Variants in TIMELESS observed in about 807,000 individuals in gnomAD.
TIMELESS encodes the protein protein timeless homolog.
In TIMELESS, 124 loss-of-function variants were observed where a neutral mutation model predicts 164.3. The ratio of observed to expected loss-of-function variants is 0.75; its 90% CI spans 0.65 to 0.88. The LOEUF (loss-of-function observed/expected upper bound fraction) is 0.88. Among genes scored for constraint, TIMELESS ranks in the 40% least tolerant of loss-of-function variants. The pLI is 0.00. For missense variants in TIMELESS, 1,422 were observed against 1,491.4 expected, an observed-to-expected ratio of 0.95 and a Z score of 0.77; for synonymous variants, 564 against 563.4, an observed-to-expected ratio of 1.00 and a Z score of -0.02.
At chr12:56,423,179 T>C (rs985608875) in intron 18 of TIMELESS, 95 bp downstream of exon 18, 19 of 1,491,818 alleles carry the variant, frequency 1.3e-5, no homozygotes, top group Non-Finnish European at 1.7e-5. Context: ...TCCCAGCCCT[T>C]GACACCTCTC....
At chr12:56,429,239 C>T (rs1052690362) in intron 10 of TIMELESS, 139 bp from the exon 11 acceptor site, 3 of 729,430 alleles carry the variant, frequency 4.1e-6, no homozygotes, top group South Asian at 1.9e-5. Context: ...CACTCTATTG[C>T]CCAGGCTGGA....
intron 23 of TIMELESS, 39 bp from the exon 24 acceptor site, chr12:56,421,173 C>T (rs1881469000): frequency 6.2e-7 from 1 of 1,612,274 alleles, no homozygotes. Flanking sequence ...AAAATGAAGG[C>T]AACACAAGGA....
chr12:56,425,792 T>C lies in TIMELESS; in HGVS notation c.1579-640A>G, dbSNP rs180822021. ...TGGGAGGCCGAGGCAGAAGAATCGC[T>C]TGGGCACGGGAAGGAGAGGTTGCAG... On this transcript the variant is annotated intron_variant, in intron 13 of 28. Transcript: ENST00000553532. 1.4e-3 allele frequency among the ~76,000 whole-genome samples: 218 copies of C among 152,032 alleles called. 1 individual carries two copies. Among genetic ancestry groups the C allele is most frequent in the African/African-American group, 5.0e-3 (207 of 41,422 alleles).
chr12:56,434,281 A>C, intron 1 of TIMELESS, 50 bp from the exon 2 acceptor site: 1 of 874,070 alleles, frequency 1.1e-6, no homozygotes, highest in Non-Finnish European at 1.9e-6. Context: ...CCATGAAAAG[A>C]AGATAGGAAC....
intron 9 of TIMELESS, 74 bp from the exon 10 acceptor site, chr12:56,430,355 C>G (rs1241621411): frequency 6.6e-7 from 1 of 1,511,708 alleles, no homozygotes; most frequent in Non-Finnish European, 8.9e-7. Flanking sequence ...TCAATTTTCT[C>G]AGAAGAAACT....
intron 10 of TIMELESS, 40 bp downstream of exon 10, chr12:56,430,065 T>C (rs754516386): frequency 2.0e-5 from 32 of 1,569,490 alleles, no homozygotes; most frequent in Non-Finnish European, 2.8e-5. Flanking sequence ...ACCTGTCTAT[T>C]CCATTCCTGA....
Position 56,429,098 on chromosome 12 carries a change from A to G in TIMELESS, c.1089T>C (p.Asp363=). The change falls in exon 11 of 29, where the codon GAT becomes GAC. Residue 363 remains aspartate (D), a splice_region_variant and synonymous_variant. Transcript: ENST00000553532. ...GCTGAGCTTTCTCCCGAAGCAGGTG[A>G]TCCTGACATTTAAAAAAGAAAAAAA... is the stretch of plus-strand genomic sequence containing the variant. The part of the protein sequence containing the change: ...CYNRLMGSVK[D]HLLREKAQQH... 6.2e-7 allele frequency: 1 copy of G among 1,611,244 alleles called. No homozygotes were observed.
At position 56,418,187 on chromosome 12, in the gene TIMELESS, A is replaced by G; in HGVS notation, c.3401T>C (p.Leu1134Pro). The G allele has an allele frequency of 6.2e-7, 1 of 1,614,206 alleles. No homozygotes were observed. The highest frequency in any genetic ancestry group is 8.5e-7 in the Non-Finnish European group (1 of 1,180,030). The part of the protein sequence containing the change: ...EHCKEHRAQA[L>P]RALLLAHKKK... ...CTTGTGGGCTAGCAAGAGGGCCCTC[A>G]GGGCTTGTGCTCGGTGCTCTTTACA... The change falls in exon 27 of 29, where the codon CTG (leucine) becomes CCG (proline). Residue 1134 changes from leucine (L) to proline (P), a missense_variant. Leu to Pro is a moderately conservative substitution (Grantham distance 98, BLOSUM62 -3). Coordinates refer to ENST00000553532, the MANE Select transcript of TIMELESS (RefSeq NM_003920.5).
At chr12:56,442,198 TA>T (rs1868285219) in intron 1 of TIMELESS, among the ~76,000 whole-genome samples, 1 of 150,440 alleles carries the variant, frequency 6.6e-6, no homozygotes, top group South Asian at 2.1e-4. Flanking sequence ...TGAAAAAAAC[TA>T]AAAAACTAGT....
At chr12:56,430,786 G>A (rs757388933) in intron 9 of TIMELESS, 95 bp downstream of exon 9, 39 of 792,562 alleles carry the variant, frequency 4.9e-5, no homozygotes, top group Non-Finnish European at 7.0e-5. Context: ...CCACAAGTGT[G>A]AGCCACCAGG....
rs374146583 is a variant in TIMELESS, at chr12:56,431,556, G to C, written c.736C>G (p.Arg246Gly). 6.2e-7 allele frequency: 1 copy of C among 1,613,548 alleles called. No homozygotes were observed. The highest frequency in any genetic ancestry group is 1.3e-5 in the African/African-American group (1 of 74,836). Residue 246 changes from arginine (R) to glycine (G), a missense_variant, in exon 8 of 29, where the codon CGG (arginine) becomes GGG (glycine). Transcript: ENST00000553532. Reference protein sequence around the residue: ...GVGQGRLAQERSADFAELEVL... With the variant: ...GVGQGRLAQEGSADFAELEVL... ...TCCAGTTCTGCAAAATCTGCACTCC[G>C]CTCCTGAGCTAAGCGTCCCTGCCCT... is the stretch of plus-strand genomic sequence containing the variant.
chr12:56,426,072 G>C (rs1881667731), intron 13 of TIMELESS, among the ~76,000 whole-genome samples: 1 of 152,090 alleles, frequency 6.6e-6, no homozygotes, highest in Non-Finnish European at 1.5e-5. Context: ...CCAAAACTTA[G>C]GAGCATGGAG....
intron 1 of TIMELESS, among the ~76,000 whole-genome samples, chr12:56,436,055 A>G (rs1200014035): frequency 6.6e-6 from 1 of 152,078 alleles, no homozygotes; most frequent in Non-Finnish European, 1.5e-5. Flanking sequence ...ATCCATAATC[A>G]CTATGAAAAA....
chr12:56,421,533 GA>G, intron 22 of TIMELESS, 40 bp from the exon 23 acceptor site: 2 of 1,589,240 alleles, frequency 1.3e-6, no homozygotes, highest in African/African-American at 2.7e-5. Flanking sequence ...GGGTAACAGG[GA>G]AAGAGATGAG....
rs755248274 is a variant in TIMELESS at position 56,430,246 on chromosome 12, C to A, written c.945G>T (p.Pro315=). 1.2e-6 allele frequency: 2 copies of A among 1,613,726 alleles called. No individual in the cohort carries two copies. The highest frequency in any genetic ancestry group is 1.7e-6 in the Non-Finnish European group (2 of 1,179,786). Residue 315 remains proline, a synonymous_variant, in exon 10 of 29, where the codon CCG becomes CCT. Coordinates refer to ENST00000553532, the MANE Select transcript of TIMELESS (RefSeq NM_003920.5). ...RNYSSDLGKQ[P]KKVPKRRQAA... ...CCTGGCGACGTTTAGGCACCTTTTT[C>A]GGCTGCTTTCCCAAATCTGAACTGT...
At chr12:56,433,716 T>A in intron 3 of TIMELESS, 57 bp downstream of exon 3, 2 of 1,613,438 alleles carry the variant, frequency 1.2e-6, no homozygotes, top group Admixed American at 3.3e-5. Flanking sequence ...GCCAAACCTA[T>A]CAGCTCAAAC....
chr12:56,440,148 T>TC (rs1868253817), intron 1 of TIMELESS, among the ~76,000 whole-genome samples: 1 of 146,320 alleles, frequency 6.8e-6, no homozygotes, highest in South Asian at 2.2e-4. Context: ...TTTTTTTTTT[T>TC]TTTTTTTTGA....
At chr12:56,430,377 T>A in intron 9 of TIMELESS, 96 bp from the exon 10 acceptor site, 1 of 1,433,838 alleles carries the variant, frequency 7.0e-7, no homozygotes, top group Non-Finnish European at 9.4e-7. Context: ...ATTTTTGTTT[T>A]TCTTTTGAGA....
chr12:56,428,176 G>C (rs1881735358), intron 13 of TIMELESS, 60 bp downstream of exon 13: 1 of 1,474,426 alleles, frequency 6.8e-7, no homozygotes, highest in Admixed American at 2.2e-5. Context: ...TGAGAAGAAA[G>C]AGCCCCCCTT....
Sources: gnomAD v4.1 joint callset for allele counts (sites outside exome capture counted in the v4.1 genomes callset) on GRCh38, gnomAD v4.1.1 for gene constraint, MANE v1.5 for transcripts, NCBI Gene and HGNC (gene_info 2026-07-23, HGNC 2026-07-21) for gene names.